CSMD2: variants seen among roughly 807,000 people sequenced by gnomAD.
CSMD2 encodes the protein CUB and Sushi multiple domains 2.
CSMD2 carries 130 observed loss-of-function variants against 398.5 expected under a neutral mutation model. That is an observed-to-expected ratio of 0.33 (90% CI 0.28 to 0.38). The LOEUF is 0.38. Ranked by LOEUF, CSMD2 falls within the 10% of genes least tolerant of loss-of-function variation. CSMD2 has a pLI of 1.00. For missense variants in CSMD2, 3,829 were observed against 4,764.9 expected (o/e 0.80, Z 5.78); for synonymous variants, 1,828 against 1,908.5 (o/e 0.96, Z 1.10).
intron 44 of CSMD2, among the ~76,000 whole-genome samples, chr1:33,596,616 G>A (rs4653251): frequency 0.1 from 15,827 of 152,224 alleles, 1,196 homozygotes; most frequent in Admixed American, 0.2. Flanking sequence ...TCACATGGCA[G>A]CAAGAAGGAG....
chr1:34,031,833 C>G (rs1340787997), intron 3 of CSMD2, among the ~76,000 whole-genome samples: 2 of 136,968 alleles, frequency 1.5e-5, no homozygotes, highest in Non-Finnish European at 3.1e-5. Flanking sequence ...TATGTCATTA[C>G]TGTTATTAAT....
chr1:33,574,340 T>C (rs953676290), intron 49 of CSMD2, among the ~76,000 whole-genome samples: 1 of 152,184 alleles, frequency 6.6e-6, no homozygotes, highest in Non-Finnish European at 1.5e-5. Flanking sequence ...CGACATTATG[T>C]TTATAGGAGG....
At chr1:33,678,024 C>T (rs554451285) in intron 25 of CSMD2, among the ~76,000 whole-genome samples, 4 of 151,042 alleles carry the variant, frequency 2.6e-5, no homozygotes, top group Admixed American at 6.6e-5. Context: ...TGAGTTAATG[C>T]GTGCAGCACA....
chr1:33,968,774 A>G (rs1002917793), intron 3 of CSMD2, among the ~76,000 whole-genome samples: 2 of 152,226 alleles, frequency 1.3e-5, no homozygotes, highest in Non-Finnish European at 2.9e-5. Context: ...ACCCACAGAA[A>G]CTGAGAATGT....
chr1:33,901,133 A>G (rs931017161), intron 5 of CSMD2, among the ~76,000 whole-genome samples: 1 of 152,258 alleles, frequency 6.6e-6, no homozygotes, highest in Non-Finnish European at 1.5e-5. Flanking sequence ...TGAAGACCCA[A>G]TGGGGCAAGA....
chr1:33,629,752 TTTTC>T (rs1438822746), intron 32 of CSMD2, among the ~76,000 whole-genome samples: 5 of 150,806 alleles, frequency 3.3e-5, no homozygotes, highest in Non-Finnish European at 7.4e-5. Flanking sequence ...GGTTTTTTTT[TTTTC>T]TTTTGAGACG....
chr1:33,848,663 C>A (rs535391220), intron 5 of CSMD2, among the ~76,000 whole-genome samples: 8 of 152,194 alleles, frequency 5.3e-5, no homozygotes, highest in Non-Finnish European at 1.2e-4. Flanking sequence ...AATGCTGACA[C>A]ACACCAAACT....
At chr1:34,030,695 G>A (rs960086136) in intron 3 of CSMD2, among the ~76,000 whole-genome samples, 1 of 152,218 alleles carries the variant, frequency 6.6e-6, no homozygotes, top group Non-Finnish European at 1.5e-5. Flanking sequence ...CCCTAACAGG[G>A]CAGTGTGGGC....
chr1:33,764,118 C>CA (rs1055142107), intron 13 of CSMD2, among the ~76,000 whole-genome samples: 2 of 152,074 alleles, frequency 1.3e-5, no homozygotes, highest in African/African-American at 4.8e-5. Context: ...TATTTGAAAA[C>CA]AAAGGTAACA....
rs1638886286 is a variant in CSMD2 at position 33,583,771 on chromosome 1, A to G, written c.7111T>C (p.Tyr2371His). The change falls in exon 47 of 71, where the codon TAC becomes CAC. Residue 2371 changes from tyrosine (Y) to histidine (H), a missense_variant. This residue lies in a region of CSMD2 where 723 missense variants were observed against 758.6 expected (regional missense o/e 0.95). Transcript: ENST00000373381. ...DSTGVILSQS[Y>H]PGSYPQFQTC... The stretch of plus-strand genomic sequence containing the variant: ...TGGAACTGGGGATAGCTTCCAGGGT[A>G]GCTCTGGCTCAGGATCACGCCTGTG... 1 of 1,614,218 alleles carries G rather than the reference A, an allele frequency of 6.2e-7. No individual in the cohort carries two copies.
rs766860889 is a variant in CSMD2, at chr1:33,716,479, G to T, written c.3024C>A (p.Thr1008=). The change falls in exon 20 of 71, where the codon ACC becomes ACA. Residue 1008 remains threonine, a synonymous_variant. Coordinates refer to ENST00000373381, the MANE Select transcript of CSMD2 (RefSeq NM_001281956.2). ...AGTCATGGCCACTTTCCAGGTGGAA[G>T]GTGTGGAAAGTGAAGAACACACCTG... ...HGKGVFFTFH[T]FHLESGHDYL... The T allele has an allele frequency of 6.2e-7, 1 of 1,613,456 alleles. No homozygotes were observed. Among genetic ancestry groups the T allele is most frequent in the Admixed American group, 1.7e-5 (1 of 59,986 alleles).
chr1:33,545,959 G>A, intron 57 of CSMD2, 78 bp downstream of exon 57: 3 of 1,408,602 alleles, frequency 2.1e-6, no homozygotes, highest in Non-Finnish European at 2.9e-6. Context: ...GAGCGCAGGT[G>A]CCTGGGAATA....
intron 6 of CSMD2, among the ~76,000 whole-genome samples, chr1:33,834,346 G>T (rs1271174756): frequency 1.2e-5 from 1 of 80,070 alleles, no homozygotes; most frequent in Non-Finnish European, 2.1e-5. Context: ...AAATAACGCC[G>T]CATATCTACA....
intron 25 of CSMD2, among the ~76,000 whole-genome samples, chr1:33,691,071 G>C (rs550452804): frequency 6.6e-6 from 1 of 152,280 alleles, no homozygotes; most frequent in South Asian, 2.1e-4. Context: ...TTTGGAGGGA[G>C]GAGGGCGTTC....
intron 3 of CSMD2, among the ~76,000 whole-genome samples, chr1:33,954,771 G>A (rs939027325): frequency 6.6e-5 from 10 of 152,122 alleles, no homozygotes; most frequent in Non-Finnish European, 1.2e-4. Context: ...AACTCATTGA[G>A]AAAGAAAGCA....
chr1:33,997,300 C>T (rs1194679699), intron 3 of CSMD2, among the ~76,000 whole-genome samples: 1 of 152,228 alleles, frequency 6.6e-6, no homozygotes, highest in Admixed American at 6.5e-5. Flanking sequence ...CAGGTCATGA[C>T]TCGGTGTCCA....
chr1:33,752,056 T>A lies in CSMD2; in HGVS notation c.1847-8450A>T, dbSNP rs1021542073. 1.6e-4 allele frequency among the ~76,000 whole-genome samples: 24 copies of A among 152,198 alleles called. 1 individual carries two copies. Among genetic ancestry groups the A allele is most frequent in the African/African-American group, 4.6e-4 (19 of 41,458 alleles). On this transcript the variant is annotated intron_variant, in intron 13 of 70. Coordinates refer to ENST00000373381, the MANE Select transcript of CSMD2 (RefSeq NM_001281956.2). Reference sequence around the variant, plus strand: ...GAAGGAGGAAGAATTATTTGAAGCATAAGATTCATGAAAAGGTGAAAGGTG... The same window carrying A: ...GAAGGAGGAAGAATTATTTGAAGCAAAAGATTCATGAAAAGGTGAAAGGTG...
At chr1:33,632,681 G>C (rs1642534151) in intron 32 of CSMD2, among the ~76,000 whole-genome samples, 1 of 152,018 alleles carries the variant, frequency 6.6e-6, no homozygotes. Flanking sequence ...AGGGATATTT[G>C]ATAATCTGCA....
intron 5 of CSMD2, among the ~76,000 whole-genome samples, chr1:33,894,533 T>C (rs1642251798): frequency 6.6e-6 from 1 of 152,172 alleles, no homozygotes; most frequent in African/African-American, 2.4e-5. Context: ...TTCTAAGATC[T>C]GGGTTCTGCA....
Sources: allele counts gnomAD v4.1 joint callset (sites outside exome capture counted in the v4.1 genomes callset), GRCh38; gene constraint gnomAD v4.1.1; regional missense constraint gnomAD v4.1.1; transcripts MANE v1.5; gene names NCBI Gene and HGNC (gene_info 2026-07-23, HGNC 2026-07-21).